The following CIT variants were observed in gnomAD, a reference collection of about 807,000 sequenced individuals.
CIT encodes citron Rho-interacting kinase.
In CIT, 79 loss-of-function variants were observed where a neutral mutation model predicts 272.7. The ratio of observed to expected loss-of-function variants is 0.29; its 90% CI spans 0.24 to 0.35. The LOEUF (loss-of-function observed/expected upper bound fraction) is 0.35, where lower values mean the gene tolerates loss of function less well. CIT is among the 10% of genes least tolerant of loss of function. The probability of loss-of-function intolerance (pLI) is 1.00; values close to 1 mark genes in which losing one functional copy is unlikely to be tolerated. For synonymous variants in CIT, 948 were observed against 995.6 expected (o/e 0.95, Z 0.90); for missense variants, 1,909 against 2,618.3 (o/e 0.73, Z 5.91).
At chr12:119,786,980 T>A (rs919956092) in intron 10 of CIT, among the ~76,000 whole-genome samples, 7 of 152,070 alleles carry the variant, frequency 4.6e-5, no homozygotes, top group South Asian at 2.1e-4. Context: ...ATAAATAAAT[T>A]ATTTTTTGAA....
At position 119,804,114 on chromosome 12, in the gene CIT, C is replaced by T. The variant is rs1317591390; in HGVS notation, c.1112-725G>A. On this transcript the variant is annotated intron_variant, in intron 9 of 47. Coordinates refer to ENST00000392521, the MANE Select transcript of CIT (RefSeq NM_001206999.2). The surrounding 1 kb of genome is among the most constrained non-coding windows in gnomAD (Gnocchi z 5.3). ...GTTCCTACCGGTGATCTACAGCACCCCTGCGCGCTGACGGTGGGAATGCAC... is the reference window on the plus strand; with the variant it reads ...GTTCCTACCGGTGATCTACAGCACCTCTGCGCGCTGACGGTGGGAATGCAC... The T allele has an allele frequency of 2.1e-6, 2 of 961,470 alleles. No individual in the cohort carries two copies. Among genetic ancestry groups the T allele is most frequent in the Non-Finnish European group, 2.5e-6 (2 of 808,192 alleles). The allele number at this position is 961,470 out of a possible 1,614,324, so 59.6% of individuals were successfully genotyped here.
At chr12:119,786,687 T>G (rs1282232073) in intron 10 of CIT, among the ~76,000 whole-genome samples, 1 of 152,214 alleles carries the variant, frequency 6.6e-6, no homozygotes, top group African/African-American at 2.4e-5. Context: ...GTCAGTTCCC[T>G]GCAGCAATGC....
chr12:119,688,325 C>T lies in CIT; in HGVS notation c.6187-70G>A, dbSNP rs1955695577. ...GTTGCTGTGCTCACCTTGCATGATGCAAATGGGAATCTGCAGCCCCTGGGC... is the reference window on the plus strand; with the variant it reads ...GTTGCTGTGCTCACCTTGCATGATGTAAATGGGAATCTGCAGCCCCTGGGC... On this transcript the variant is annotated intron_variant, in intron 47 of 47. Coordinates refer to ENST00000392521, the MANE Select transcript of CIT (RefSeq NM_001206999.2). 5 of 1,468,960 alleles carry T rather than the reference C, an allele frequency of 3.4e-6. No homozygotes were observed. In the Admixed American group the frequency reaches 8.4e-5, roughly 25 times the overall value. 91.0% of individuals were successfully genotyped at this position (1,468,960 alleles called of 1,614,324 possible).
intron 24 of CIT, 111 bp from the exon 25 acceptor site, chr12:119,735,468 C>T (rs996757091): frequency 2.1e-5 from 22 of 1,057,998 alleles, no homozygotes; most frequent in Admixed American, 7.9e-5. Context: ...ATCAACGTGC[C>T]GCTCATGAGT....
chr12:119,772,970 G>A, intron 16 of CIT, 60 bp from the exon 17 acceptor site: 2 of 1,476,098 alleles, frequency 1.4e-6, no homozygotes, highest in Non-Finnish European at 1.8e-6. Context: ...AAAAGATGGT[G>A]ACAGTATGTT....
chr12:119,731,456 C>T (rs148632017), intron 26 of CIT, among the ~76,000 whole-genome samples: 1,478 of 85,446 alleles, frequency 0.017, 32 homozygotes, highest in African/African-American at 0.061. Context: ...GCCTGGGCAA[C>T]AAAGCAAGAC....
At chr12:119,751,947 C>T (rs1593595924) in intron 23 of CIT, 103 bp downstream of exon 23, 2 of 1,033,528 alleles carry the variant, frequency 1.9e-6, no homozygotes, top group Non-Finnish European at 1.4e-6. Context: ...TCATGTTTTC[C>T]CTCCTGGAAT....
chr12:119,773,115 A>G (rs1963360218), intron 16 of CIT, among the ~76,000 whole-genome samples: 1 of 151,948 alleles, frequency 6.6e-6, no homozygotes, highest in African/African-American at 2.4e-5. Context: ...ATTTAATTCT[A>G]TATTTCATTA....
intron 9 of CIT, among the ~76,000 whole-genome samples, chr12:119,821,290 C>T (rs534913651): frequency 6.0e-4 from 90 of 148,974 alleles, no homozygotes; most frequent in African/African-American, 1.9e-3. Context: ...AGCAAAACTC[C>T]GTCTCAAAAA....
At chr12:119,711,467 G>T (rs77411677) in intron 37 of CIT, among the ~76,000 whole-genome samples, 1 of 152,162 alleles carries the variant, frequency 6.6e-6, no homozygotes, top group Non-Finnish European at 1.5e-5. Context: ...TCCTGGAGGG[G>T]ACACAGCTGC....
At chr12:119,862,780 A>G (rs1950381686) in intron 3 of CIT, among the ~76,000 whole-genome samples, 1 of 123,956 alleles carries the variant, frequency 8.1e-6, no homozygotes, top group Non-Finnish European at 1.6e-5. Context: ...ACTGCACTCC[A>G]GCCTGGGTGA....
intron 28 of CIT, among the ~76,000 whole-genome samples, chr12:119,724,293 ATTAG>A (rs1338591695): frequency 6.6e-6 from 1 of 152,242 alleles, no homozygotes; most frequent in Non-Finnish European, 1.5e-5. Flanking sequence ...CTAATTAAAC[ATTAG>A]TTATTTTAAT....
chr12:119,857,475 A>G (rs1327865548), intron 4 of CIT, 48 bp downstream of exon 4: 1 of 1,589,980 alleles, frequency 6.3e-7, no homozygotes. Context: ...TTTGCAATGA[A>G]CACTCCGGTA....
At chr12:119,748,618 A>C (rs1210059081) in intron 23 of CIT, among the ~76,000 whole-genome samples, 1 of 152,254 alleles carries the variant, frequency 6.6e-6, no homozygotes, top group Non-Finnish European at 1.5e-5. Context: ...CTTGATATTT[A>C]TGTACGAGAA....
At chr12:119,701,506 T>C in intron 43 of CIT, 118 bp downstream of exon 43, 1 of 1,172,704 alleles carries the variant, frequency 8.5e-7, no homozygotes, top group Non-Finnish European at 1.2e-6. Context: ...AAGGACATTC[T>C]CTGTACCCCT....
chr12:119,704,318 G>A (rs1174907933), intron 41 of CIT, 45 bp downstream of exon 41: 1 of 1,555,638 alleles, frequency 6.4e-7, no homozygotes, highest in Admixed American at 1.7e-5. Flanking sequence ...TGAGAGAGCA[G>A]GACTGGCTTT....
intron 12 of CIT, 31 bp downstream of exon 12, chr12:119,783,877 C>G: frequency 6.5e-7 from 1 of 1,543,408 alleles, no homozygotes. Context: ...AGTGCCACCT[C>G]CAAGGGAAGG....
rs1296415897 is a variant in CIT, at chr12:119,710,706, AG to A, written c.4855-87del. ...CAAACCATCCAGAGAAACCAAGAGA[AG>A]GTTAAGGCCAAGTTATTCCTGGAAA... is the stretch of plus-strand genomic sequence containing the variant. On this transcript the variant is annotated intron_variant, in intron 37 of 47. Transcript: ENST00000392521. This position sits in a 1 kb window ranked among gnomAD's most constrained non-coding sequence, Gnocchi z 5.6. 347 of 1,259,040 alleles carry A rather than the reference AG, an allele frequency of 2.8e-4. No individual in the cohort carries two copies. Among genetic ancestry groups the A allele is most frequent in the Non-Finnish European group, 7.0e-6 (6 of 861,278 alleles). The allele number at this position is 1,259,040 out of a possible 1,614,324, so 78.0% of individuals were successfully genotyped here. A position where few individuals can be genotyped will look rare whatever the true frequency, so the allele number is the denominator to read the frequency against.
rs571818606 is a variant in CIT at position 119,718,170 on chromosome 12, T to C, written c.4168+75A>G. On this transcript the variant is annotated intron_variant, in intron 32 of 47. Transcript: ENST00000392521. This position sits in a 1 kb window ranked among gnomAD's most constrained non-coding sequence, Gnocchi z 4.8. ...TGACTTTTTAATCTTTAACCCCTAG[T>C]ATTACTTGTAATTTTTACCATATGC... is the stretch of plus-strand genomic sequence containing the variant. 8.8e-5 allele frequency: 132 copies of C among 1,491,638 alleles called. 2 individuals are homozygous for C. In the South Asian group the frequency reaches 1.7e-3, roughly 19 times the overall value. The allele number at this position is 1,491,638 out of a possible 1,614,324, so 92.4% of individuals were successfully genotyped here. A position where few individuals can be genotyped will look rare whatever the true frequency, so the allele number is the denominator to read the frequency against.
Sources: allele counts gnomAD v4.1 joint callset (sites outside exome capture counted in the v4.1 genomes callset), GRCh38; gene constraint gnomAD v4.1.1; non-coding constraint Gnocchi (gnomAD v3.1); transcripts MANE v1.5; gene names NCBI Gene and HGNC (gene_info 2026-07-23, HGNC 2026-07-21).